The following CATSPERT variants were observed in gnomAD, a reference collection of about 807,000 sequenced individuals.
CATSPERT encodes catsper channel auxiliary subunit tau, also known as cation channel sperm-associated targeting subunit tau.
chr2:201,524,773 T>G, the CATSPERT span, among the ~76,000 whole-genome samples: 1 of 152,130 alleles, frequency 6.6e-6, no homozygotes, highest in Non-Finnish European at 1.5e-5. Flanking sequence ...GGATGGAGAA[T>G]GATCTATCAA....
chr2:201,604,744 A>T, the CATSPERT span: 1 of 1,355,090 alleles, frequency 7.4e-7, no homozygotes, highest in South Asian at 1.3e-5. Flanking sequence ...GACAAACATA[A>T]CTAGATGAAA....
At chr2:201,596,493 T>C in the CATSPERT span, among the ~76,000 whole-genome samples, 2 of 152,108 alleles carry the variant, frequency 1.3e-5, no homozygotes, top group Non-Finnish European at 2.9e-5. Context: ...TACCTGGTGA[T>C]GAAATAATCT....
chr2:201,516,140 T>G, the CATSPERT span, among the ~76,000 whole-genome samples: 1,743 of 152,276 alleles, frequency 0.011, 34 homozygotes, highest in African/African-American at 0.039. Context: ...CTGGACTAAA[T>G]ACTGTAGACA....
chr2:201,515,201 AGTTTTTTTTTTT>A, the CATSPERT span, among the ~76,000 whole-genome samples: 198 of 70,210 alleles, frequency 2.8e-3, 43 homozygotes, highest in Non-Finnish European at 4.0e-3. Flanking sequence ...ATCTGCCCAT[AGTTTTTTTTTTT>A]TTTTTTTTTT....
chr2:201,601,002 A>G, the CATSPERT span, among the ~76,000 whole-genome samples: 1 of 152,254 alleles, frequency 6.6e-6, no homozygotes, highest in African/African-American at 2.4e-5. Flanking sequence ...TGCCCACTTC[A>G]GCCTCCCAAA....
chr2:201,508,721 T>G, the CATSPERT span, among the ~76,000 whole-genome samples: 2 of 152,308 alleles, frequency 1.3e-5, no homozygotes, highest in East Asian at 3.9e-4. Flanking sequence ...TCCACTCCAG[T>G]GGCATTGTGA....
At chr2:201,591,923 G>A in the CATSPERT span, among the ~76,000 whole-genome samples, 39 of 151,902 alleles carry the variant, frequency 2.6e-4, no homozygotes, top group East Asian at 7.7e-4. Flanking sequence ...CAATCATGTC[G>A]TCTGCAAACA....
chr2:201,494,815 T>C, the CATSPERT span: 35 of 1,425,844 alleles, frequency 2.5e-5, no homozygotes, highest in Non-Finnish European at 3.0e-5. Context: ...GAATTTATCA[T>C]ATATTTTCTA....
the CATSPERT span, among the ~76,000 whole-genome samples, chr2:201,526,466 C>G: frequency 1.5e-3 from 230 of 152,156 alleles, no homozygotes; most frequent in African/African-American, 5.2e-3. Context: ...TGCAGTGATC[C>G]GAGATCACGC....
At chr2:201,577,297 G>A in the CATSPERT span, among the ~76,000 whole-genome samples, 1 of 151,922 alleles carries the variant, frequency 6.6e-6, no homozygotes, top group East Asian at 1.9e-4. Context: ...GGCTTTTTCA[G>A]ATAAGTGATA....
At chr2:201,565,375 G>A in the CATSPERT span, among the ~76,000 whole-genome samples, 1 of 152,156 alleles carries the variant, frequency 6.6e-6, no homozygotes, top group East Asian at 1.9e-4. Flanking sequence ...TTGGGAGGCT[G>A]AGGCTGGAAG....
chr2:201,490,443 G>C, the CATSPERT span, among the ~76,000 whole-genome samples: 1 of 152,162 alleles, frequency 6.6e-6, no homozygotes, highest in Admixed American at 6.5e-5. Context: ...TGTTTCCACA[G>C]TATCTGGCCA....
At chr2:201,511,495 C>T in the CATSPERT span, among the ~76,000 whole-genome samples, 9 of 152,050 alleles carry the variant, frequency 5.9e-5, no homozygotes, top group Admixed American at 5.9e-4. Flanking sequence ...AATCCAAGGT[C>T]TTTTTACTGT....
At chr2:201,604,190 G>T in the CATSPERT span, among the ~76,000 whole-genome samples, 1 of 151,504 alleles carries the variant, frequency 6.6e-6, no homozygotes, top group Non-Finnish European at 1.5e-5. Context: ...GGGGGTGTTT[G>T]CTTTTGTTTC....
the CATSPERT span, among the ~76,000 whole-genome samples, chr2:201,508,783 G>A: frequency 2.0e-5 from 3 of 151,416 alleles, no homozygotes; most frequent in South Asian, 6.2e-4. Context: ...ATTCCTCAAA[G>A]TTCATCCATG....
At chr2:201,594,564 T>G in the CATSPERT span, among the ~76,000 whole-genome samples, 5 of 152,352 alleles carry the variant, frequency 3.3e-5, no homozygotes, top group South Asian at 1.0e-3. Context: ...GATAATATGC[T>G]GCAGAGTGTT....
the CATSPERT span, among the ~76,000 whole-genome samples, chr2:201,571,597 T>TAA: frequency 6.6e-6 from 1 of 152,208 alleles, no homozygotes; most frequent in East Asian, 1.9e-4. Flanking sequence ...AGTCTTATGT[T>TAA]AAGTCTCTCA....
the CATSPERT span, among the ~76,000 whole-genome samples, chr2:201,507,953 A>C: frequency 1.3e-5 from 2 of 152,302 alleles, no homozygotes; most frequent in East Asian, 3.9e-4. Flanking sequence ...ACAAGGGGGA[A>C]GTCCACCGCC....
chr2:201,494,190 T>C, the CATSPERT span: 1 of 1,534,206 alleles, frequency 6.5e-7, no homozygotes, highest in South Asian at 1.2e-5. Flanking sequence ...TACTACTTGA[T>C]GATTTATCAT....
Sources: allele counts gnomAD v4.1 joint callset (sites outside exome capture counted in the v4.1 genomes callset), GRCh38; gene constraint gnomAD v4.1.1; transcripts MANE v1.5; gene names NCBI Gene and HGNC (gene_info 2026-07-23, HGNC 2026-07-21).